Variants in CNIH3 observed in about 807,000 individuals in gnomAD.
CNIH3 encodes protein cornichon homolog 3.
CNIH3 carries 14 observed loss-of-function variants against 24.1 expected under a neutral mutation model. The observed-to-expected ratio is 0.58, with a 90% CI of 0.38 to 0.91. The LOEUF is 0.91. Ranked by LOEUF, CNIH3 falls within the 40% of genes least tolerant of loss-of-function variation. CNIH3 has a pLI of 0.00. For missense variants in CNIH3, 178 were observed against 196.8 expected, an observed-to-expected ratio of 0.90 and a Z score of 0.57; for synonymous variants, 68 against 73.8, an observed-to-expected ratio of 0.92 and a Z score of 0.40.
At chr1:224,657,982 T>G (rs2125112940) in intron 1 of CNIH3, among the ~76,000 whole-genome samples, 1 of 152,278 alleles carries the variant, frequency 6.6e-6, no homozygotes, top group East Asian at 1.9e-4. Flanking sequence ...TTCACATGAT[T>G]TTTGAATATA....
intron 1 of CNIH3, among the ~76,000 whole-genome samples, chr1:224,484,544 T>C (rs533921223): frequency 2.3e-4 from 35 of 152,368 alleles, no homozygotes; most frequent in African/African-American, 7.5e-4. Context: ...ATCTGTGACT[T>C]TGTAGTTTTA....
chr1:224,673,498 A>ATTCTCT (rs1685973729), intron 1 of CNIH3, among the ~76,000 whole-genome samples: 1 of 152,086 alleles, frequency 6.6e-6, no homozygotes, highest in Admixed American at 6.5e-5. Context: ...GTTTCTGGAA[A>ATTCTCT]TTTCTTCCCA....
chr1:224,617,451 G>C (rs7534595), intron 1 of CNIH3, among the ~76,000 whole-genome samples, 196 bp downstream of exon 1: 4,301 of 152,180 alleles, frequency 0.028, 199 homozygotes, highest in African/African-American at 0.089. Context: ...GAGGCGAGGG[G>C]CCGCTGGTGC....
chr1:224,663,220 A>G (rs994688104), intron 1 of CNIH3, among the ~76,000 whole-genome samples: 10 of 152,096 alleles, frequency 6.6e-5, no homozygotes, highest in African/African-American at 2.4e-4. Context: ...ATGAGATGAG[A>G]TCAGGCCATT....
At chr1:224,489,181 T>C (rs1244455310) in intron 1 of CNIH3, among the ~76,000 whole-genome samples, 3 of 152,208 alleles carry the variant, frequency 2.0e-5, no homozygotes, top group East Asian at 1.9e-4. Flanking sequence ...TGAATTCAAA[T>C]GCTAAACTTT....
downstream of CNIH3, chr1:224,537,193 G>A (rs1199550943): frequency 6.6e-6 from 1 of 152,164 alleles, no homozygotes; most frequent in Non-Finnish European, 1.5e-5. Context: ...TCTTTACCCT[G>A]AAACGGTTCT....
intron 1 of CNIH3, among the ~76,000 whole-genome samples, chr1:224,667,569 C>G (rs1258211739): frequency 6.6e-6 from 1 of 152,122 alleles, no homozygotes; most frequent in Non-Finnish European, 1.5e-5. Flanking sequence ...AAGAGTTGCT[C>G]CAACTCATCT....
chr1:224,652,256 A>G (rs1684893089), intron 1 of CNIH3, among the ~76,000 whole-genome samples: 1 of 152,022 alleles, frequency 6.6e-6, no homozygotes, highest in Admixed American at 6.5e-5. Context: ...AAGCAGATCT[A>G]TATGGCGAAC....
chr1:224,493,250 T>C (rs950523087), intron 1 of CNIH3, among the ~76,000 whole-genome samples: 3 of 152,304 alleles, frequency 2.0e-5, no homozygotes, highest in Middle Eastern at 3.4e-3. Flanking sequence ...AGGTGACTGA[T>C]TCGTGTAATA....
chr1:224,503,195 A>G (rs1266324387), intron 1 of CNIH3, among the ~76,000 whole-genome samples: 1 of 152,184 alleles, frequency 6.6e-6, no homozygotes, highest in African/African-American at 2.4e-5. Flanking sequence ...CAATGTACTA[A>G]ATGTCATATA....
At chr1:224,639,048 G>T (rs1479286322) in intron 1 of CNIH3, among the ~76,000 whole-genome samples, 2 of 152,180 alleles carry the variant, frequency 1.3e-5, no homozygotes, top group African/African-American at 4.8e-5. Context: ...GTTTTGCTCA[G>T]GAAATGTATT....
At chr1:224,454,257 G>T (rs1203016443) in intron 1 of CNIH3, 12 of 751,040 alleles carry the variant, frequency 1.6e-5, no homozygotes, top group East Asian at 1.4e-4. Context: ...CTACTAGTAA[G>T]TTTTTTTTTT....
At position 224,616,787 on chromosome 1, in the gene CNIH3, CGAA is replaced by C; in HGVS notation, c.-387_-385del. ...GAAAAGCAGAGAGCTCTTCCTGGGG[CGAA>C]TGGGACCTCCTCCCTCGGTCCTCCG... On this transcript the variant is annotated 5_prime_UTR_variant, in exon 1 of 6. The change abolishes an upstream ATG in the 5' untranslated region. Coordinates refer to ENST00000272133, the MANE Select transcript of CNIH3 (RefSeq NM_152495.2). The C allele has an allele frequency of 1.9e-6, 2 of 1,046,814 alleles. No individual in the cohort carries two copies. Among genetic ancestry groups the C allele is most frequent in the Non-Finnish European group, 1.1e-6 (1 of 869,594 alleles). 64.8% of individuals were successfully genotyped at this position (1,046,814 alleles called of 1,614,324 possible).
At chr1:224,509,807 G>T (rs945352222) in intron 1 of CNIH3, among the ~76,000 whole-genome samples, 1 of 152,196 alleles carries the variant, frequency 6.6e-6, no homozygotes, top group African/African-American at 2.4e-5. Context: ...ATGCTGGGGT[G>T]GTGTCCAGGC....
chr1:224,477,102 C>G (rs1271002554), intron 1 of CNIH3, among the ~76,000 whole-genome samples: 1 of 152,216 alleles, frequency 6.6e-6, no homozygotes, highest in Non-Finnish European at 1.5e-5. Context: ...ATTGAGAAAG[C>G]AAGCAGCCTC....
chr1:224,511,186 T>C (rs974682429), upstream of CNIH3, among the ~76,000 whole-genome samples: 8 of 152,268 alleles, frequency 5.3e-5, no homozygotes, highest in African/African-American at 1.9e-4. Flanking sequence ...GCCATCACAG[T>C]TGTGGTTAGG....
chr1:224,615,702 C>G (rs1253070637), upstream of CNIH3: 1 of 152,162 alleles, frequency 6.6e-6, no homozygotes, highest in African/African-American at 2.4e-5. Flanking sequence ...AATAGCCCAC[C>G]AAGTCCACGT....
At chr1:224,531,585 T>C (rs1420590224) in intron 2 of CNIH3, among the ~76,000 whole-genome samples, 1 of 152,194 alleles carries the variant, frequency 6.6e-6, no homozygotes, top group Non-Finnish European at 1.5e-5. Context: ...TGGAGATGTG[T>C]TGGAACCAGG....
chr1:224,735,310 C>G (rs1456645491), intron 5 of CNIH3, among the ~76,000 whole-genome samples: 2 of 152,242 alleles, frequency 1.3e-5, no homozygotes, highest in Admixed American at 6.5e-5. Context: ...CTTTTCACCT[C>G]TCCGCTCAGA....
Sources: allele counts gnomAD v4.1 joint callset (sites outside exome capture counted in the v4.1 genomes callset), GRCh38; gene constraint gnomAD v4.1.1; transcripts MANE v1.5; gene names NCBI Gene and HGNC (gene_info 2026-07-23, HGNC 2026-07-21).